Variants in ATP6V1C1 observed in about 807,000 individuals in gnomAD.
The protein encoded by ATP6V1C1 is ATPase H+ transporting V1 subunit C1.
In ATP6V1C1, 45 loss-of-function variants were observed where a neutral mutation model predicts 53.9. The observed-to-expected ratio is 0.83, with a 90% CI of 0.66 to 1.07. ATP6V1C1 has a LOEUF of 1.07. Among genes scored for constraint, ATP6V1C1 ranks in the 50% least tolerant of loss-of-function variants. The pLI is 0.00. For missense variants in ATP6V1C1, 315 were observed against 440.3 expected (o/e 0.72, Z 2.55); for synonymous variants, 153 against 155.2 (o/e 0.99, Z 0.11).
At chr8:103,038,805 C>T (rs1217686812) in intron 1 of ATP6V1C1, among the ~76,000 whole-genome samples, 1 of 152,122 alleles carries the variant, frequency 6.6e-6, no homozygotes, top group African/African-American at 2.4e-5. Flanking sequence ...TTTGCTTTTG[C>T]TTCTGTTTTG....
At chr8:103,047,262 G>A (rs1432662023) in intron 3 of ATP6V1C1, among the ~76,000 whole-genome samples, 1 of 151,830 alleles carries the variant, frequency 6.6e-6, no homozygotes, top group African/African-American at 2.4e-5. Context: ...CTGTTAACAA[G>A]CCAGGCTTGT....
At chr8:103,061,604 A>G (rs1817396468) in intron 8 of ATP6V1C1, among the ~76,000 whole-genome samples, 1 of 152,214 alleles carries the variant, frequency 6.6e-6, no homozygotes, top group Non-Finnish European at 1.5e-5. Context: ...AGTGAGGGGT[A>G]TGTTTATTGT....
chr8:103,055,626 C>T (rs1168218923), intron 7 of ATP6V1C1, among the ~76,000 whole-genome samples: 1 of 152,100 alleles, frequency 6.6e-6, no homozygotes, highest in Non-Finnish European at 1.5e-5. Context: ...GAACATAGTT[C>T]TAGGATGTGC....
Position 103,068,866 on chromosome 8 carries a change from T to A in ATP6V1C1, c.*119T>A. ...TTTGCTTGCTTCTTACGCCCTTTCC[T>A]AGGTGAATTCTCCCACAGTGGTCTG... On this transcript the variant is annotated 3_prime_UTR_variant, in exon 13 of 13. Transcript: ENST00000518738. 1.6e-6 allele frequency: 1 copy of A among 626,218 alleles called. No homozygotes were observed. Among genetic ancestry groups the A allele is most frequent in the Non-Finnish European group, 2.5e-6 (1 of 403,974 alleles). 38.8% of individuals were successfully genotyped at this position (626,218 alleles called of 1,614,324 possible).
chr8:103,048,521 C>A (rs956212778), intron 3 of ATP6V1C1, among the ~76,000 whole-genome samples: 1 of 152,196 alleles, frequency 6.6e-6, no homozygotes, highest in Non-Finnish European at 1.5e-5. Context: ...TCAGCCTCCT[C>A]CTTTGTTCTC....
intron 1 of ATP6V1C1, among the ~76,000 whole-genome samples, chr8:103,028,237 G>A (rs1016202445): frequency 3.3e-5 from 5 of 152,098 alleles, no homozygotes; most frequent in African/African-American, 9.7e-5. Flanking sequence ...TGTGCGAAAC[G>A]AGCAAAGGCA....
intron 1 of ATP6V1C1, among the ~76,000 whole-genome samples, chr8:103,037,788 G>A (rs1306209443): frequency 2.0e-5 from 3 of 152,142 alleles, no homozygotes; most frequent in Non-Finnish European, 2.9e-5. Flanking sequence ...TAGCAAGTAT[G>A]AATATTTTGC....
intron 3 of ATP6V1C1, among the ~76,000 whole-genome samples, chr8:103,047,977 A>T (rs186253620): frequency 1.3e-5 from 2 of 152,196 alleles, no homozygotes; most frequent in African/African-American, 4.8e-5. Context: ...GATCTTTCCA[A>T]TGAGATTTTA....
rs151002147 is a variant in ATP6V1C1, at chr8:103,050,603, G to A, written c.287-447G>A. Among the ~76,000 whole-genome samples the A allele has an allele frequency of 4.8e-3, 731 of 152,190 alleles. 5 individuals are homozygous for A. Among genetic ancestry groups the A allele is most frequent in the African/African-American group, 0.017 (689 of 41,512 alleles). On this transcript the variant is annotated intron_variant, in intron 4 of 12. Transcript: ENST00000518738. ...TGAAAGGGTCCATGTTTTGAAAATT[G>A]TTAAAATGTGGACTCCTGGAAACAA...
chr8:103,067,631 C>T (rs1415820143), intron 12 of ATP6V1C1, among the ~76,000 whole-genome samples: 19 of 103,152 alleles, frequency 1.8e-4, no homozygotes, highest in African/African-American at 5.8e-4. Context: ...GATGGAGTTT[C>T]GCTCTTTTGC....
In ATP6V1C1 at chr8:103,048,915, T is replaced by C. The variant is rs761956113; in HGVS notation, c.246T>C (p.Asp82=). Residue 82 remains aspartate, a synonymous_variant, in exon 4 of 13, where the codon GAT becomes GAC. Transcript: ENST00000518738. ...VAQYMADVLE[D]SKDKVQENLL... ...AATACATGGCTGATGTATTGGAAGA[T>C]AGCAAAGACAAAGTTCAAGAGAATC... 9.3e-6 allele frequency: 15 copies of C among 1,613,272 alleles called. No individual in the cohort carries two copies. Among genetic ancestry groups the C allele is most frequent in the African/African-American group, 1.3e-5 (1 of 74,912 alleles).
intron 1 of ATP6V1C1, among the ~76,000 whole-genome samples, chr8:103,029,965 C>T (rs1001413805): frequency 1.3e-5 from 2 of 152,152 alleles, no homozygotes; most frequent in Admixed American, 6.6e-5. Flanking sequence ...AACTCCTGAG[C>T]TCAAGTGATC....
chr8:103,065,332 A>G (rs1209351698), intron 11 of ATP6V1C1, among the ~76,000 whole-genome samples: 3 of 152,164 alleles, frequency 2.0e-5, no homozygotes, highest in Admixed American at 1.3e-4. Context: ...TGAGGCAGGC[A>G]GATCACGAGG....
At chr8:103,060,264 G>T (rs989782378) in intron 8 of ATP6V1C1, among the ~76,000 whole-genome samples, 1 of 152,022 alleles carries the variant, frequency 6.6e-6, no homozygotes, top group South Asian at 2.1e-4. Context: ...CTACCATGCT[G>T]AGCCCCGGTT....
At chr8:103,045,785 C>CA (rs1817085316) in intron 3 of ATP6V1C1, among the ~76,000 whole-genome samples, 1 of 151,946 alleles carries the variant, frequency 6.6e-6, no homozygotes, top group Admixed American at 6.6e-5. Flanking sequence ...ACTAAAAATA[C>CA]AAAAAATTAT....
rs767205791 is a variant in ATP6V1C1, at chr8:103,051,111, G to T, written c.348G>T (p.Gln116His). 4 of 1,609,382 alleles carry T rather than the reference G, an allele frequency of 2.5e-6. No individual in the cohort carries two copies. Among genetic ancestry groups the T allele is most frequent in the Non-Finnish European group, 3.4e-6 (4 of 1,177,086 alleles). The change falls in exon 5 of 13, where the codon CAG (glutamine) becomes CAT (histidine). Residue 116 changes from glutamine (Q) to histidine (H), a missense_variant. Physicochemically the swap from Gln to His is conservative, Grantham distance 24. Coordinates refer to ENST00000518738, the MANE Select transcript of ATP6V1C1 (RefSeq NM_001695.5). Reference protein sequence around the residue: ...QWDMAKYPIKQSLKNISEIIA... With the variant: ...QWDMAKYPIKHSLKNISEIIA... ...ACATGGCCAAATATCCAATCAAGCA[G>T]TCCCTGAAAAATATTTCTGAAATAA...
At chr8:103,056,925 A>G (rs1817298150) in intron 8 of ATP6V1C1, among the ~76,000 whole-genome samples, 1 of 152,140 alleles carries the variant, frequency 6.6e-6, no homozygotes, top group African/African-American at 2.4e-5. Context: ...TCCTGGACTC[A>G]GGGATCTGAG....
intron 10 of ATP6V1C1, among the ~76,000 whole-genome samples, chr8:103,064,001 A>T (rs1817447028): frequency 6.6e-6 from 1 of 152,200 alleles, no homozygotes; most frequent in African/African-American, 2.4e-5. Flanking sequence ...TTTAAAAAAT[A>T]GATATTTTGA....
At chr8:103,046,397 A>G (rs1817097517) in intron 3 of ATP6V1C1, among the ~76,000 whole-genome samples, 1 of 151,950 alleles carries the variant, frequency 6.6e-6, no homozygotes, top group Non-Finnish European at 1.5e-5. Context: ...ATTTTTGTGG[A>G]CATGGAGTCT....
Sources: allele counts gnomAD v4.1 joint callset (sites outside exome capture counted in the v4.1 genomes callset), GRCh38; gene constraint gnomAD v4.1.1; transcripts MANE v1.5; gene names NCBI Gene and HGNC (gene_info 2026-07-23, HGNC 2026-07-21).